VPS53: variants seen among roughly 807,000 people sequenced by gnomAD.
VPS53 encodes the protein VPS53 subunit of GARP complex.
Under a neutral mutation model 107.0 loss-of-function variants are expected in VPS53, and 70 were observed. The ratio of observed to expected loss-of-function variants is 0.65; its 90% CI spans 0.54 to 0.80. VPS53 has a LOEUF of 0.80. Ranked by LOEUF, VPS53 falls within the 30% of genes least tolerant of loss-of-function variation. The probability of loss-of-function intolerance (pLI) is 0.00; values close to 1 mark genes in which losing one functional copy is unlikely to be tolerated. For synonymous variants in VPS53, 409 were observed against 393.3 expected, an observed-to-expected ratio of 1.04 and a Z score of -0.47; for missense variants, 917 against 1,049.4, an observed-to-expected ratio of 0.87 and a Z score of 1.74.
chr17:524,125 C>T lies in VPS53; in HGVS notation c.2086-2387G>A, dbSNP rs1230546625. Among the ~76,000 whole-genome samples the T allele has an allele frequency of 2.0e-5, 3 of 151,866 alleles. No individual in the cohort carries two copies. Among genetic ancestry groups the T allele is most frequent in the Non-Finnish European group, 4.4e-5 (3 of 67,966 alleles). ...ACCAGCCTGGCCAACATGGAGAAAC[C>T]CCATCTCTACTAAAAATACAAAAAT... On this transcript the variant is annotated intron_variant, in intron 19 of 21. Coordinates refer to ENST00000437048, the MANE Select transcript of VPS53 (RefSeq NM_001128159.3). This position sits in a 1 kb window ranked among gnomAD's most constrained non-coding sequence, Gnocchi z 4.5.
intron 19 of VPS53, among the ~76,000 whole-genome samples, chr17:528,668 G>A (rs1408936815): frequency 2.9e-5 from 4 of 139,202 alleles, no homozygotes; most frequent in Non-Finnish European, 6.0e-5. Flanking sequence ...GCGCAATCTT[G>A]GCTCACTGCA....
chr17:528,346 A>G (rs945201465), intron 19 of VPS53, among the ~76,000 whole-genome samples: 3 of 152,184 alleles, frequency 2.0e-5, no homozygotes, highest in Admixed American at 6.5e-5. Context: ...GCAGAGTCAC[A>G]CAATAGGTGG....
chr17:576,010 T>TC (rs1914572089), intron 13 of VPS53, among the ~76,000 whole-genome samples: 1 of 151,448 alleles, frequency 6.6e-6, no homozygotes, highest in Admixed American at 6.6e-5. Flanking sequence ...CCTCAGAACC[T>TC]AATGCGTTCC....
intron 4 of VPS53, among the ~76,000 whole-genome samples, chr17:683,776 A>G (rs181211472): frequency 1.4e-4 from 22 of 152,386 alleles, no homozygotes; most frequent in African/African-American, 5.0e-4. Flanking sequence ...AGGCAGGAAG[A>G]TCACTTGAGC....
intron 5 of VPS53, chr17:657,048 G>T: frequency 1.1e-6 from 1 of 878,650 alleles, no homozygotes; most frequent in Non-Finnish European, 2.0e-6. Flanking sequence ...ACCATATATG[G>T]CTTGCCAGTG....
At chr17:593,962 T>C (rs1378648378) in intron 12 of VPS53, among the ~76,000 whole-genome samples, 1 of 152,296 alleles carries the variant, frequency 6.6e-6, no homozygotes, top group East Asian at 1.9e-4. Flanking sequence ...ATATACACCA[T>C]GGAATACTAC....
intron 7 of VPS53, among the ~76,000 whole-genome samples, chr17:636,471 A>G (rs1049273158): frequency 1.3e-5 from 2 of 152,174 alleles, no homozygotes; most frequent in African/African-American, 2.4e-5. Flanking sequence ...GGAATGGTGA[A>G]AGAGGGCATC....
chr17:646,766 CACACCACT>C (rs1176084396), intron 7 of VPS53, among the ~76,000 whole-genome samples: 10 of 124,048 alleles, frequency 8.1e-5, no homozygotes, highest in African/African-American at 2.2e-4. Flanking sequence ...TTTTCTAATC[CACACCACT>C]GACTGGAGAT....
At chr17:556,934 G>GCTGAAGGGGGGTGGCCAGGAGGGA (rs1211122160) in intron 15 of VPS53, among the ~76,000 whole-genome samples, 1 of 39,976 alleles carries the variant, frequency 2.5e-5, no homozygotes, top group Admixed American at 2.7e-4. Context: ...GCCAGGAGGG[G>GCTGAAGGGGGGTGGCCAGGAGGGA]CTCTCTGAGG....
intron 10 of VPS53, among the ~76,000 whole-genome samples, chr17:625,306 T>A (rs1969654010): frequency 6.6e-6 from 1 of 151,986 alleles, no homozygotes. Context: ...TTTCTTAGAA[T>A]AACAGCCACA....
At chr17:656,113 G>C (rs1217307597) in intron 5 of VPS53, among the ~76,000 whole-genome samples, 160 bp from the exon 6 acceptor site, 2 of 152,152 alleles carry the variant, frequency 1.3e-5, no homozygotes, top group South Asian at 2.1e-4. Flanking sequence ...TTTCCAACCA[G>C]GCATTTAAAA....
In VPS53 at chr17:661,542, CA is replaced by C. The variant is rs142116936; in HGVS notation, c.372+266del. On this transcript the variant is annotated intron_variant, in intron 5 of 21. Transcript: ENST00000437048. ...TCTCAAAAAAAAAAAAAAAAATACCCAAAAAACAAAACAAAACAAAACAAAA... is the reference window on the plus strand; with the variant it reads ...TCTCAAAAAAAAAAAAAAAAATACCCAAAAACAAAACAAAACAAAACAAAA... Among the ~76,000 whole-genome samples the C allele has an allele frequency of 0.08, 11,778 of 147,692 alleles. 557 individuals are homozygous for C. Among genetic ancestry groups the C allele is most frequent in the Non-Finnish European group, 0.11 (7,312 of 66,300 alleles).
chr17:519,727 T>C lies in VPS53; in HGVS notation c.2328+99A>G. The C allele has an allele frequency of 1.1e-6, 1 of 934,490 alleles. No homozygotes were observed. The highest frequency in any genetic ancestry group is 1.7e-6 in the Non-Finnish European group (1 of 602,636). The allele number at this position is 934,490 out of a possible 1,614,324, so 57.9% of individuals were successfully genotyped here. A position where few individuals can be genotyped will look rare whatever the true frequency, so the allele number is the denominator to read the frequency against. On this transcript the variant is annotated intron_variant, in intron 21 of 21. Transcript: ENST00000437048. This position sits in a 1 kb window ranked among gnomAD's most constrained non-coding sequence, Gnocchi z 5.0. Reference sequence around the variant, plus strand: ...CTCTGTGGAGCCAGGCACATGCATTTTGAGAAAGCCCCCCCGGAACTTATA... The same window carrying C: ...CTCTGTGGAGCCAGGCACATGCATTCTGAGAAAGCCCCCCCGGAACTTATA...
chr17:568,130 T>C (rs1913709969), intron 13 of VPS53, among the ~76,000 whole-genome samples: 1 of 152,052 alleles, frequency 6.6e-6, no homozygotes, highest in South Asian at 2.1e-4. Flanking sequence ...AGAAACAATA[T>C]TCTAATTGGA....
At chr17:675,718 G>C (rs1972129465) in intron 4 of VPS53, 1 of 139,928 alleles carries the variant, frequency 7.1e-6, no homozygotes, top group East Asian at 2.1e-4. Context: ...AGGTTGCAGT[G>C]AGCTGAGATC....
At chr17:579,269 T>C (rs1465094318) in intron 13 of VPS53, among the ~76,000 whole-genome samples, 1 of 143,984 alleles carries the variant, frequency 6.9e-6, no homozygotes, top group Non-Finnish European at 1.5e-5. Context: ...ACCTAATGTA[T>C]TCCTAGAGAA....
At chr17:592,590 T>C (rs1967724492) in intron 12 of VPS53, among the ~76,000 whole-genome samples, 1 of 152,176 alleles carries the variant, frequency 6.6e-6, no homozygotes, top group African/African-American at 2.4e-5. Context: ...GGTCTGGTGG[T>C]GACAAAATCT....
At chr17:567,362 C>T (rs1469280842) in intron 13 of VPS53, among the ~76,000 whole-genome samples, 1 of 152,204 alleles carries the variant, frequency 6.6e-6, no homozygotes, top group African/African-American at 2.4e-5. Flanking sequence ...ATCTTTCACC[C>T]TGCATCAGCA....
intron 11 of VPS53, among the ~76,000 whole-genome samples, chr17:606,052 T>A (rs565220573): frequency 1.3e-5 from 2 of 152,228 alleles, no homozygotes; most frequent in South Asian, 2.1e-4. Context: ...GGAACCGGAC[T>A]AAGCCAGTGT....
Sources: allele counts gnomAD v4.1 joint callset (sites outside exome capture counted in the v4.1 genomes callset), GRCh38; gene constraint gnomAD v4.1.1; non-coding constraint Gnocchi (gnomAD v3.1); transcripts MANE v1.5; gene names NCBI Gene and HGNC (gene_info 2026-07-23, HGNC 2026-07-21).